The following COL24A1 variants were observed in gnomAD, a reference collection of about 807,000 sequenced individuals.
COL24A1 encodes the protein collagen alpha-1(XXIV) chain.
In COL24A1, 224 loss-of-function variants were observed where a neutral mutation model predicts 253.9. The observed-to-expected ratio is 0.88, with a 90% CI of 0.79 to 0.99. The LOEUF is 0.99. COL24A1 is among the 50% of genes least tolerant of loss of function. COL24A1 has a pLI of 0.00. For synonymous variants in COL24A1, 685 were observed against 673.7 expected (o/e 1.02, Z -0.26); for missense variants, 2,131 against 2,068.5 (o/e 1.03, Z -0.59).
At chr1:86,133,132 C>T (rs1649563882) in intron 2 of COL24A1, among the ~76,000 whole-genome samples, 1 of 152,100 alleles carries the variant, frequency 6.6e-6, no homozygotes, top group Non-Finnish European at 1.5e-5. Flanking sequence ...AATGGGAGTT[C>T]ACTCATGATT....
intron 46 of COL24A1, 113 bp from the exon 47 acceptor site, chr1:85,817,008 G>C (rs1214092061): frequency 2.6e-6 from 2 of 775,828 alleles, no homozygotes; most frequent in Non-Finnish European, 4.1e-6. Flanking sequence ...TTTGTTCTAG[G>C]ACAAATTTTC....
chr1:86,027,942 G>T (rs1698202021), intron 14 of COL24A1, among the ~76,000 whole-genome samples: 1 of 152,196 alleles, frequency 6.6e-6, no homozygotes, highest in African/African-American at 2.4e-5. Context: ...GTGTGACCTG[G>T]ATGTGAGACA....
chr1:85,885,551 T>C (rs530822426), intron 32 of COL24A1, among the ~76,000 whole-genome samples: 130 of 151,956 alleles, frequency 8.6e-4, no homozygotes, highest in African/African-American at 3.1e-3. Context: ...TCAACCTAAA[T>C]GACAAAGAGA....
intron 12 of COL24A1, among the ~76,000 whole-genome samples, chr1:86,045,067 G>T (rs12744993): frequency 0.092 from 14,032 of 152,096 alleles, 766 homozygotes; most frequent in Middle Eastern, 0.2. Context: ...TCAGCTCACT[G>T]CAACCTTATT....
intron 24 of COL24A1, among the ~76,000 whole-genome samples, chr1:85,948,591 A>G (rs148697271): frequency 1.3e-4 from 20 of 150,472 alleles, no homozygotes; most frequent in African/African-American, 4.1e-4. Context: ...ATAAATATTT[A>G]CTTTTTGAGA....
At position 85,841,924 on chromosome 1, in the gene COL24A1, ATT is replaced by A. The variant is rs957932495; in HGVS notation, c.3570+142_3570+143del. The A allele has an allele frequency of 2.2e-4, 139 of 627,424 alleles. 2 individuals are homozygous for A. The highest frequency in any genetic ancestry group is 3.9e-5 in the Non-Finnish European group (14 of 357,998). The allele number at this position is 627,424 out of a possible 1,614,324, so 38.9% of individuals were successfully genotyped here. On this transcript the variant is annotated intron_variant, in intron 41 of 59. Coordinates refer to ENST00000370571, the MANE Select transcript of COL24A1 (RefSeq NM_152890.7). ...TTTAAATTTTAGCTCCTTGATATTT[ATT>A]TTTTTCTTCCAGAATTAGTAAAATT...
Position 86,057,951 on chromosome 1 carries a change from G to A in COL24A1, c.1831C>T (p.Pro611Ser). The part of the protein sequence containing the change: ...RQGLAGPEGN[P>S]GPKGAQGFIG... The stretch of plus-strand genomic sequence containing the variant: ...CTTACTTGTGCACCTTTAGGACCTG[G>A]ATTACCTTCTGGTCCAGCTAAACCC... Residue 611 changes from proline to serine, a missense_variant, in exon 10 of 60, where the codon CCA becomes TCA. By Grantham distance (74) the Pro-to-Ser change is moderately conservative. Coordinates refer to ENST00000370571, the MANE Select transcript of COL24A1 (RefSeq NM_152890.7). 2 of 1,612,936 alleles carry A rather than the reference G, an allele frequency of 1.2e-6. No homozygotes were observed. The highest frequency in any genetic ancestry group is 3.3e-5 in the Admixed American group (2 of 59,916).
At chr1:86,061,640 CAAGT>C (rs1255968498) in intron 8 of COL24A1, among the ~76,000 whole-genome samples, 1 of 152,044 alleles carries the variant, frequency 6.6e-6, no homozygotes, top group Non-Finnish European at 1.5e-5. Flanking sequence ...ACAAAATAAA[CAAGT>C]AAGACTTCAG....
chr1:85,954,556 T>G (rs1171656743), intron 24 of COL24A1, among the ~76,000 whole-genome samples: 1 of 152,132 alleles, frequency 6.6e-6, no homozygotes, highest in Non-Finnish European at 1.5e-5. Flanking sequence ...TTTTCCAGGG[T>G]GTCTATGAGG....
chr1:86,094,642 A>G (rs1418282048), intron 5 of COL24A1, among the ~76,000 whole-genome samples: 3 of 151,978 alleles, frequency 2.0e-5, no homozygotes, highest in Non-Finnish European at 4.4e-5. Context: ...TTTTTCTATA[A>G]GGAAAGTTTG....
At chr1:86,031,183 T>C (rs913543879) in intron 14 of COL24A1, among the ~76,000 whole-genome samples, 1 of 152,172 alleles carries the variant, frequency 6.6e-6, no homozygotes, top group Admixed American at 6.5e-5. Context: ...ATTAGTGATA[T>C]AAGCCAGGCA....
intron 25 of COL24A1, 52 bp from the exon 26 acceptor site, chr1:85,910,055 A>T: frequency 7.1e-7 from 1 of 1,416,708 alleles, no homozygotes; most frequent in Non-Finnish European, 9.9e-7. Flanking sequence ...TTAATTAGTC[A>T]TGACTGAGCT....
chr1:86,061,592 C>A (rs1701094374), intron 8 of COL24A1, among the ~76,000 whole-genome samples: 1 of 152,024 alleles, frequency 6.6e-6, no homozygotes, highest in Non-Finnish European at 1.5e-5. Flanking sequence ...AAGAATTCCA[C>A]TCAATGTCTA....
intron 10 of COL24A1, among the ~76,000 whole-genome samples, chr1:86,056,367 A>T (rs1700662485): frequency 6.6e-6 from 1 of 152,196 alleles, no homozygotes; most frequent in Non-Finnish European, 1.5e-5. Flanking sequence ...CAGATCAAGT[A>T]AGTTCCTTAG....
intron 52 of COL24A1, 115 bp from the exon 53 acceptor site, chr1:85,775,824 G>A: frequency 1.3e-6 from 1 of 771,804 alleles, no homozygotes; most frequent in South Asian, 1.8e-5. Flanking sequence ...TTTCTATATA[G>A]TAAGACCTGT....
chr1:85,893,412 G>C (rs1683331631), intron 31 of COL24A1, among the ~76,000 whole-genome samples: 1 of 151,790 alleles, frequency 6.6e-6, no homozygotes, highest in Non-Finnish European at 1.5e-5. Context: ...GAGAAATAGA[G>C]AAACACAAAA....
chr1:85,976,197 C>T (rs113228729), intron 20 of COL24A1, among the ~76,000 whole-genome samples: 14 of 152,230 alleles, frequency 9.2e-5, no homozygotes, highest in African/African-American at 1.2e-4. Flanking sequence ...CAGGGAGGGG[C>T]GAGGCCTGAA....
intron 4 of COL24A1, among the ~76,000 whole-genome samples, chr1:86,113,649 C>G (rs12565251): frequency 0.14 from 20,537 of 151,540 alleles, 1,550 homozygotes; most frequent in East Asian, 0.29. Flanking sequence ...GCCAGGGCAA[C>G]GCAGCAAGAC....
At chr1:85,926,666 A>G (rs1687274690) in intron 24 of COL24A1, among the ~76,000 whole-genome samples, 1 of 148,490 alleles carries the variant, frequency 6.7e-6, no homozygotes, top group Non-Finnish European at 1.5e-5. Context: ...GGGGCCTGTC[A>G]TGGGGTGAGG....
Sources: gnomAD v4.1 joint callset for allele counts (sites outside exome capture counted in the v4.1 genomes callset) on GRCh38, gnomAD v4.1.1 for gene constraint, MANE v1.5 for transcripts, NCBI Gene and HGNC (gene_info 2026-07-23, HGNC 2026-07-21) for gene names.